ABCG2: variants seen among roughly 807,000 people sequenced by gnomAD.
The protein encoded by ABCG2 is broad substrate specificity ATP-binding cassette transporter ABCG2.
ABCG2 carries 80 observed loss-of-function variants against 73.5 expected under a neutral mutation model. That is an observed-to-expected ratio of 1.09 (90% CI 0.91 to 1.31). ABCG2 has a LOEUF of 1.31. ABCG2 is among the 50% of genes most tolerant of loss of function. The pLI is 0.00. For synonymous variants in ABCG2, 269 were observed against 282.4 expected (o/e 0.95, Z 0.48); for missense variants, 796 against 786.2 (o/e 1.01, Z -0.15).
intron 1 of ABCG2, among the ~76,000 whole-genome samples, chr4:88,211,358 G>GCCCCCCCCCCCCCCCCCCCCCTTCC (rs1264405228): frequency 3.0e-5 from 1 of 33,648 alleles, no homozygotes. Flanking sequence ...TTCAACCCCT[G>GCCCCCCCCCCCCCCCCCCCCCTTCC]CCCCACCCCC....
intron 3 of ABCG2, 112 bp downstream of exon 3, chr4:88,132,464 G>C (rs1724957207): frequency 2.6e-6 from 3 of 1,132,202 alleles, no homozygotes; most frequent in African/African-American, 1.5e-5. Flanking sequence ...AACCAGACCT[G>C]ACATGCGTTG....
At chr4:88,155,720 C>T (rs1244411903) in intron 1 of ABCG2, among the ~76,000 whole-genome samples, 1 of 152,108 alleles carries the variant, frequency 6.6e-6, no homozygotes, top group African/African-American at 2.4e-5. Flanking sequence ...GCCTGGCCAA[C>T]ATGGCAAAAC....
rs1578160393 is a variant in ABCG2 at position 88,090,743 on chromosome 4, G to A, written c.*1491C>T. The A allele has an allele frequency of 6.6e-6, 1 of 152,332 alleles. No homozygotes were observed. Among genetic ancestry groups the A allele is most frequent in the Admixed American group, 6.5e-5 (1 of 15,298 alleles). 9.4% of individuals were successfully genotyped at this position (152,332 alleles called of 1,614,324 possible). ...AGGGCTAGATGAAATGTGGTCTCCT[G>A]AATTGAATCCTAGAACAATGAAAGA... On this transcript the variant is annotated 3_prime_UTR_variant, in exon 16 of 16. Transcript: ENST00000237612.
At chr4:88,224,489 C>G (rs764900373) in intron 1 of ABCG2, among the ~76,000 whole-genome samples, 1 of 136,718 alleles carries the variant, frequency 7.3e-6, no homozygotes, top group Non-Finnish European at 1.5e-5. Context: ...AAAGTGTCCT[C>G]TTTTTTGTTT....
At chr4:88,185,300 G>A (rs1038078121) in intron 1 of ABCG2, among the ~76,000 whole-genome samples, 2 of 152,224 alleles carry the variant, frequency 1.3e-5, no homozygotes. Flanking sequence ...GGAGGCAGAG[G>A]TTGCAGTGAG....
intron 1 of ABCG2, among the ~76,000 whole-genome samples, chr4:88,213,199 C>T (rs894851579): frequency 2.0e-5 from 3 of 152,190 alleles, no homozygotes; most frequent in African/African-American, 7.2e-5. Context: ...CCACAAAGAC[C>T]TGTAATTATC....
intron 10 of ABCG2, 51 bp downstream of exon 10, chr4:88,107,133 C>T: frequency 7.5e-7 from 1 of 1,340,408 alleles, no homozygotes; most frequent in Middle Eastern, 1.8e-4. Context: ...TTTCAATAAG[C>T]TTGAAGAAAG....
At chr4:88,162,965 G>T (rs1398520499), upstream of ABCG2, among the ~76,000 whole-genome samples, 1 of 152,172 alleles carries the variant, frequency 6.6e-6, no homozygotes, top group South Asian at 2.1e-4. Flanking sequence ...CAAAGAGCTG[G>T]TAAGGCCCCA....
rs1721653331 is a variant in ABCG2 at position 88,091,721 on chromosome 4, G to C, written c.*513C>G. The stretch of plus-strand genomic sequence containing the variant: ...TTAACTTTAATGTGCTTATCAAAAA[G>C]ATTTTTTTTCTATCACGGTGGCTTT... On this transcript the variant is annotated 3_prime_UTR_variant, in exon 16 of 16. Coordinates refer to ENST00000237612, the MANE Select transcript of ABCG2 (RefSeq NM_004827.3). 1 of 152,304 alleles carries C rather than the reference G, an allele frequency of 6.6e-6. No homozygotes were observed. Among genetic ancestry groups the C allele is most frequent in the African/African-American group, 2.4e-5 (1 of 41,366 alleles). 9.4% of individuals were successfully genotyped at this position (152,304 alleles called of 1,614,324 possible).
intron 8 of ABCG2, among the ~76,000 whole-genome samples, chr4:88,113,835 G>C (rs549793297): frequency 1.3e-5 from 2 of 151,936 alleles, no homozygotes; most frequent in Admixed American, 1.3e-4. Flanking sequence ...GTGGTGGTGC[G>C]TGCCTGTAAT....
chr4:88,169,938 C>T (rs1333655581), intron 1 of ABCG2, among the ~76,000 whole-genome samples: 2 of 151,942 alleles, frequency 1.3e-5, no homozygotes. Context: ...TGGTGAAACC[C>T]CGTCTCTACT....
chr4:88,188,409 G>T (rs1728554069), intron 1 of ABCG2, among the ~76,000 whole-genome samples: 1 of 151,460 alleles, frequency 6.6e-6, no homozygotes, highest in Admixed American at 6.6e-5. Flanking sequence ...ATTTAATAGA[G>T]ATGAGGTCTC....
At chr4:88,220,196 C>A (rs1729965417) in intron 1 of ABCG2, among the ~76,000 whole-genome samples, 1 of 152,312 alleles carries the variant, frequency 6.6e-6, no homozygotes, top group South Asian at 2.1e-4. Flanking sequence ...TCTGTGTATA[C>A]CACATTTTGT....
At chr4:88,228,176 G>T (rs1456769173) in intron 1 of ABCG2, among the ~76,000 whole-genome samples, 3 of 152,180 alleles carry the variant, frequency 2.0e-5, no homozygotes, top group Non-Finnish European at 4.4e-5. Flanking sequence ...CCCTTCTCCT[G>T]TTCAGGAAGC....
chr4:88,135,292 C>A (rs1183161417), intron 2 of ABCG2, among the ~76,000 whole-genome samples: 1 of 152,134 alleles, frequency 6.6e-6, no homozygotes, highest in Admixed American at 6.6e-5. Context: ...AAAAGTCTGT[C>A]AACAAGAACA....
At chr4:88,198,075 T>G (rs2110112398) in intron 1 of ABCG2, among the ~76,000 whole-genome samples, 2 of 147,320 alleles carry the variant, frequency 1.4e-5, no homozygotes, top group East Asian at 4.0e-4. Context: ...GCATGGTGGC[T>G]CATGCCTGCA....
intron 1 of ABCG2, among the ~76,000 whole-genome samples, chr4:88,148,745 AG>A (rs1303412869): frequency 6.6e-6 from 1 of 152,232 alleles, no homozygotes; most frequent in African/African-American, 2.4e-5. Flanking sequence ...ACCCGTCAAC[AG>A]GAAACAGTAT....
chr4:88,151,140 A>G (rs1259279326), intron 1 of ABCG2, among the ~76,000 whole-genome samples: 1 of 152,256 alleles, frequency 6.6e-6, no homozygotes, highest in Non-Finnish European at 1.5e-5. Flanking sequence ...TAGGGAGGAC[A>G]GCGGCAGAAG....
At chr4:88,157,690 T>C (rs1727040567) in intron 1 of ABCG2, among the ~76,000 whole-genome samples, 1 of 152,228 alleles carries the variant, frequency 6.6e-6, no homozygotes, top group Non-Finnish European at 1.5e-5. Flanking sequence ...TCAAGATCTA[T>C]ACAATCCAGT....
Sources: allele counts gnomAD v4.1 joint callset (sites outside exome capture counted in the v4.1 genomes callset), GRCh38; gene constraint gnomAD v4.1.1; transcripts MANE v1.5; gene names NCBI Gene and HGNC (gene_info 2026-07-23, HGNC 2026-07-21).